Variants in SAMSN1 observed in about 807,000 individuals in gnomAD.
The protein encoded by SAMSN1 is SAM domain, SH3 domain and nuclear localization signals 1, also known as SAM domain-containing protein SAMSN-1.
Under a neutral mutation model 42.0 loss-of-function variants are expected in SAMSN1, and 31 were observed. The observed-to-expected ratio is 0.74, with a 90% CI of 0.55 to 1.00. The LOEUF (loss-of-function observed/expected upper bound fraction) is 1.00. SAMSN1 is among the 50% of genes least tolerant of loss of function. The pLI is 0.00. For synonymous variants in SAMSN1, 178 were observed against 151.9 expected, an observed-to-expected ratio of 1.17 and a Z score of -1.26; for missense variants, 464 against 439.4, an observed-to-expected ratio of 1.06 and a Z score of -0.50.
intron 2 of SAMSN1, among the ~76,000 whole-genome samples, chr21:14,571,239 C>T (rs561480909): frequency 6.6e-6 from 1 of 152,234 alleles, no homozygotes; most frequent in Non-Finnish European, 1.5e-5. Flanking sequence ...GTTTATCCTC[C>T]TTAACTGGCA....
At position 14,558,900 on chromosome 21, in the gene SAMSN1, A is replaced by G. The variant is rs1037582834; in HGVS notation, c.261+23236T>C. Among the ~76,000 whole-genome samples, 8 of 152,316 alleles carry G rather than the reference A, an allele frequency of 5.3e-5. No individual in the cohort carries two copies. The South Asian group carries it at 8.3e-4, about 16-fold the overall frequency. The stretch of plus-strand genomic sequence containing the variant: ...ACTTATTCTGATTTTTACGCATATG[A>G]AAAACTATTTGAATTTCCTTTTCTA... On this transcript the variant is annotated intron_variant, in intron 2 of 8. Coordinates refer to the SAMSN1 transcript ENST00000285670.
chr21:14,491,415 C>T (rs572031875), intron 7 of SAMSN1, among the ~76,000 whole-genome samples: 42 of 152,228 alleles, frequency 2.8e-4, no homozygotes, highest in African/African-American at 9.4e-4. Flanking sequence ...GTCTGACTTT[C>T]CTTCTGCTTC....
chr21:14,614,911 T>C (rs1477673967), intron 3 of SAMSN1, among the ~76,000 whole-genome samples: 4 of 152,220 alleles, frequency 2.6e-5, no homozygotes, highest in African/African-American at 7.2e-5. Flanking sequence ...CTGGTTTATG[T>C]TTGAAAAATT....
intron 6 of SAMSN1, among the ~76,000 whole-genome samples, chr21:14,599,968 T>C (rs542122035): frequency 6.6e-6 from 1 of 152,296 alleles, no homozygotes; most frequent in East Asian, 1.9e-4. Context: ...GTTTGTGTAC[T>C]GAATATTGTC....
intron 5 of SAMSN1, among the ~76,000 whole-genome samples, chr21:14,505,810 A>G (rs1987373246): frequency 6.6e-6 from 1 of 152,194 alleles, no homozygotes; most frequent in South Asian, 2.1e-4. Flanking sequence ...CTATTCAACA[A>G]CACATGGAAC....
chr21:14,541,649 A>G (rs148461131), intron 1 of SAMSN1, among the ~76,000 whole-genome samples: 1,698 of 152,338 alleles, frequency 0.011, 26 homozygotes, highest in African/African-American at 0.035. Context: ...CCCCTAGAGT[A>G]GACTGAAGAA....
intron 2 of SAMSN1, among the ~76,000 whole-genome samples, chr21:14,641,531 C>T (rs455597): frequency 0.66 from 100,585 of 151,988 alleles, 33,915 homozygotes; most frequent in Middle Eastern, 0.79. Flanking sequence ...GTTATTTAAC[C>T]TTTTCAACAT....
intron 1 of SAMSN1, among the ~76,000 whole-genome samples, chr21:14,525,402 CA>C (rs1420159276): frequency 6.6e-6 from 1 of 152,030 alleles, no homozygotes; most frequent in Non-Finnish European, 1.5e-5. Context: ...CAAGAAAATA[CA>C]GAGCAAAACA....
chr21:14,654,634 A>T (rs181817329), intron 1 of SAMSN1, among the ~76,000 whole-genome samples: 6 of 152,166 alleles, frequency 3.9e-5, no homozygotes, highest in Admixed American at 1.3e-4. Context: ...TTACAAGAAG[A>T]TATGGGCCAG....
chr21:14,606,694 T>C lies in SAMSN1; in HGVS notation c.322+2788A>G, dbSNP rs79197945. 7.7e-4 allele frequency among the ~76,000 whole-genome samples: 118 copies of C among 152,310 alleles called. 1 individual carries two copies. The East Asian group carries it at 0.015, about 20-fold the overall frequency. ...TAGTTGTAAAGTCCTAAGCATTCAA[T>C]TTATTCTACATTATTTTACAGATGT... On this transcript the variant is annotated intron_variant, in intron 5 of 15. Coordinates refer to the SAMSN1 transcript ENST00000647101.
intron 1 of SAMSN1, among the ~76,000 whole-genome samples, chr21:14,528,869 G>A (rs1979053668): frequency 6.6e-6 from 1 of 151,852 alleles, no homozygotes; most frequent in African/African-American, 2.4e-5. Flanking sequence ...CTTTCCATCT[G>A]CCAAACTCCA....
intron 2 of SAMSN1, among the ~76,000 whole-genome samples, chr21:14,636,186 A>G (rs1423016741): frequency 6.6e-6 from 1 of 152,196 alleles, no homozygotes; most frequent in Non-Finnish European, 1.5e-5. Flanking sequence ...AATAAAATGT[A>G]AGTCTATTCA....
At chr21:14,575,259 A>T in intron 2 of SAMSN1, among the ~76,000 whole-genome samples, 1 of 152,184 alleles carries the variant, frequency 6.6e-6, no homozygotes, top group East Asian at 1.9e-4. Context: ...ATTGGTCATA[A>T]TTAAAATTTC....
chr21:14,621,893 C>A (rs532095223), intron 2 of SAMSN1, among the ~76,000 whole-genome samples: 2 of 152,330 alleles, frequency 1.3e-5, no homozygotes, highest in African/African-American at 2.4e-5. Context: ...CAGACTGACA[C>A]CCCACATGGC....
chr21:14,546,143 A>G, intron 1 of SAMSN1, 62 bp downstream of exon 1: 1 of 1,413,764 alleles, frequency 7.1e-7, no homozygotes, highest in Non-Finnish European at 9.9e-7. Context: ...TCAAACACAC[A>G]TATGTGTTTA....
At chr21:14,629,184 CT>C (rs1409113192) in intron 2 of SAMSN1, among the ~76,000 whole-genome samples, 1 of 152,118 alleles carries the variant, frequency 6.6e-6, no homozygotes, top group African/African-American at 2.4e-5. Flanking sequence ...TACTAAATAA[CT>C]CAGAAAGAAC....
intron 5 of SAMSN1, among the ~76,000 whole-genome samples, chr21:14,606,878 T>C (rs1446702260): frequency 6.6e-6 from 1 of 152,202 alleles, no homozygotes. Context: ...GAGCTATGGA[T>C]TAATACATCA....
At chr21:14,569,640 T>TGAAAAATTAACTTATC (rs1353894728) in intron 2 of SAMSN1, among the ~76,000 whole-genome samples, 1 of 152,186 alleles carries the variant, frequency 6.6e-6, no homozygotes, top group Non-Finnish European at 1.5e-5. Context: ...TCTGCAAATG[T>TGAAAAATTAACTTATC]GAAAAATTAA....
chr21:14,569,686 G>A (rs2142314), intron 2 of SAMSN1, among the ~76,000 whole-genome samples: 46,107 of 151,984 alleles, frequency 0.3, 7,386 homozygotes, highest in East Asian at 0.48. Flanking sequence ...ATGGGAACTG[G>A]CCAAAGAAAC....
Sources: allele counts gnomAD v4.1 joint callset (sites outside exome capture counted in the v4.1 genomes callset), GRCh38; gene constraint gnomAD v4.1.1; transcripts MANE v1.5; gene names NCBI Gene and HGNC (gene_info 2026-07-23, HGNC 2026-07-21).